TMEM204: variants seen among roughly 807,000 people sequenced by gnomAD.
TMEM204 encodes the protein transmembrane protein 204, also known as claudin-like protein 24.
Under a neutral mutation model 19.4 loss-of-function variants are expected in TMEM204, and 15 were observed. The ratio of observed to expected loss-of-function variants is 0.77; its 90% CI spans 0.52 to 1.19. The LOEUF (loss-of-function observed/expected upper bound fraction) is 1.19, where lower values mean the gene tolerates loss of function less well. Ranked by LOEUF, TMEM204 falls within the 50% of genes most tolerant of loss-of-function variation. The pLI is 0.00. For synonymous variants in TMEM204, 161 were observed against 146.0 expected (o/e 1.10, Z -0.74); for missense variants, 287 against 321.2 (o/e 0.89, Z 0.81).
intron 2 of TMEM204, among the ~76,000 whole-genome samples, chr16:1,543,690 G>A (rs531650483): frequency 2.0e-5 from 3 of 152,334 alleles, no homozygotes; most frequent in South Asian, 2.1e-4. Flanking sequence ...GACTGACTCC[G>A]CCTCCTCCCC....
Position 1,534,464 on chromosome 16 carries a change from C to T in TMEM204, c.189C>T (p.Ala63=), listed in dbSNP as rs2030847902. Reference sequence around the variant, plus strand: ...CCCGGGGAGGGCCGAGCCCTGGGGCCAGAGCCGGCCAGGTGGACGCACATG... The same window carrying T: ...CCCGGGGAGGGCCGAGCCCTGGGGCTAGAGCCGGCCAGGTGGACGCACATG... ...DRTRGGPSPG[A]RAGQVDAHDC... is the part of the protein sequence containing the mutation. Residue 63 remains alanine, a synonymous_variant, in exon 1 of 3, where the codon GCC becomes GCT. Coordinates refer to ENST00000566264, the MANE Select transcript of TMEM204 (RefSeq NM_024600.6). 6.2e-7 allele frequency: 1 copy of T among 1,611,152 alleles called. No individual in the cohort carries two copies. Among genetic ancestry groups the T allele is most frequent in the Non-Finnish European group, 8.5e-7 (1 of 1,179,832 alleles).
chr16:1,552,829 A>G, intron 2 of TMEM204: 1 of 295,462 alleles, frequency 3.4e-6, no homozygotes, highest in Non-Finnish European at 4.9e-6. Context: ...TTTTTTTTGT[A>G]TTTTTAGTAG....
rs2032834775 is a variant in TMEM204 at position 1,553,357 on chromosome 16, G to A, written c.437-1425G>A. On this transcript the variant is annotated intron_variant, in intron 2 of 2. Transcript: ENST00000566264. This position sits in a 1 kb window ranked among gnomAD's most constrained non-coding sequence, Gnocchi z 4.4. ...GTCTCTTTTTCTCCCATCCTCTCTC[G>A]ATGCTGGGGCCACACAGGGCAGGGC... 12 of 985,234 alleles carry A rather than the reference G, an allele frequency of 1.2e-5. No individual in the cohort carries two copies. Among genetic ancestry groups the A allele is most frequent in the Non-Finnish European group, 1.4e-5 (12 of 829,910 alleles). The allele number at this position is 985,234 out of a possible 1,614,324, so 61.0% of individuals were successfully genotyped here.
chr16:1,546,273 G>C (rs2032163306), intron 2 of TMEM204, among the ~76,000 whole-genome samples: 1 of 152,228 alleles, frequency 6.6e-6, no homozygotes, highest in East Asian at 1.9e-4. Context: ...TCTGCAGGCA[G>C]CCTAGGCCGG....
chr16:1,551,068 G>A lies in TMEM204; in HGVS notation c.437-3714G>A, dbSNP rs2032595367. Among the ~76,000 whole-genome samples the A allele has an allele frequency of 6.6e-6, 1 of 152,276 alleles. No homozygotes were observed. The highest frequency in any genetic ancestry group is 6.5e-5 in the Admixed American group (1 of 15,296). ...TGGTCACTCAACTGCCAAGGCTGCT[G>A]TTCCTCCTCGCCTTTCCCGCAGCTC... On this transcript the variant is annotated intron_variant, in intron 2 of 2. Coordinates refer to ENST00000566264, the MANE Select transcript of TMEM204 (RefSeq NM_024600.6). This position sits in a 1 kb window ranked among gnomAD's most constrained non-coding sequence, Gnocchi z 4.0.
At chr16:1,545,535 T>A (rs979813584) in intron 2 of TMEM204, among the ~76,000 whole-genome samples, 1 of 152,204 alleles carries the variant, frequency 6.6e-6, no homozygotes, top group Non-Finnish European at 1.5e-5. Context: ...TGTACTCGCG[T>A]CTGTTTTAAA....
intron 1 of TMEM204, among the ~76,000 whole-genome samples, chr16:1,539,501 C>CA (rs1596327316): frequency 6.6e-6 from 1 of 152,276 alleles, no homozygotes; most frequent in African/African-American, 2.4e-5. Flanking sequence ...GCCAGGTCCT[C>CA]ACCTGCTGCC....
rs1389779665 is a variant in TMEM204 at position 1,555,195 on chromosome 16, G to A, written c.*169G>A. ...ACACGTGTGCGTTTACTGTTATGTC[G>A]GTCATATGTCTGTACGTGTCGTGGG... On this transcript the variant is annotated 3_prime_UTR_variant, in exon 3 of 3. Transcript: ENST00000566264. 1.5e-5 allele frequency: 13 copies of A among 845,900 alleles called. No individual in the cohort carries two copies. Among genetic ancestry groups the A allele is most frequent in the African/African-American group, 3.4e-5 (2 of 58,136 alleles). The allele number at this position is 845,900 out of a possible 1,614,324, so 52.4% of individuals were successfully genotyped here.
At chr16:1,536,046 C>T (rs986936818) in intron 1 of TMEM204, among the ~76,000 whole-genome samples, 4 of 152,216 alleles carry the variant, frequency 2.6e-5, no homozygotes, top group African/African-American at 4.8e-5. Context: ...TGGGGCCGGG[C>T]GCTCATGTGC....
Position 1,534,457 on chromosome 16 carries a change from C to G in TMEM204, c.182C>G (p.Pro61Arg), listed in dbSNP as rs748436089. Residue 61 changes from proline (P) to arginine (R), a missense_variant, in exon 1 of 3, where the codon CCT (proline) becomes CGT (arginine). By Grantham distance (103) the Pro-to-Arg change is moderately radical (BLOSUM62 -2). Transcript: ENST00000566264. The stretch of plus-strand genomic sequence containing the variant: ...GACAGGACCCGGGGAGGGCCGAGCC[C>G]TGGGGCCAGAGCCGGCCAGGTGGAC... ...LVDRTRGGPS[P>R]GARAGQVDAH... 6.2e-7 allele frequency: 1 copy of G among 1,611,454 alleles called. No individual in the cohort carries two copies. The highest frequency in any genetic ancestry group is 8.5e-7 in the Non-Finnish European group (1 of 1,179,768).
chr16:1,534,487 A>T lies in TMEM204; in HGVS notation c.212A>T (p.His71Leu). The T allele has an allele frequency of 6.2e-7, 1 of 1,610,322 alleles. No individual in the cohort carries two copies. The highest frequency in any genetic ancestry group is 8.5e-7 in the Non-Finnish European group (1 of 1,179,862). ...PGARAGQVDAHDCEALGWGSE... is the reference protein window; with the variant it reads ...PGARAGQVDALDCEALGWGSE... ...GCCAGAGCCGGCCAGGTGGACGCAC[A>T]TGACTGTGAGGCGCTGGGCTGGGGC... The change falls in exon 1 of 3, where the codon CAT (histidine) becomes CTT (leucine). Residue 71 changes from histidine (H) to leucine (L), a missense_variant. By Grantham distance (99) the His-to-Leu change is moderately conservative (BLOSUM62 -3). Transcript: ENST00000566264.
intron 2 of TMEM204, among the ~76,000 whole-genome samples, chr16:1,552,201 A>G (rs977625583): frequency 6.6e-6 from 1 of 152,192 alleles, no homozygotes; most frequent in African/African-American, 2.4e-5. Flanking sequence ...GGCTGTGGCC[A>G]TGGCGGGCTG....
At chr16:1,554,654 C>G in intron 2 of TMEM204, 128 bp from the exon 3 acceptor site, 1 of 1,379,920 alleles carries the variant, frequency 7.2e-7, no homozygotes, top group Non-Finnish European at 9.8e-7. Context: ...AGGCTGGAAC[C>G]CGCTCTAGGA....
chr16:1,553,075 G>C lies in TMEM204; in HGVS notation c.437-1707G>C, dbSNP rs2032801798. 3 of 985,326 alleles carry C rather than the reference G, an allele frequency of 3.0e-6. No individual in the cohort carries two copies. Among genetic ancestry groups the C allele is most frequent in the Non-Finnish European group, 3.6e-6 (3 of 829,942 alleles). 61.0% of individuals were successfully genotyped at this position (985,326 alleles called of 1,614,324 possible). A position where few individuals can be genotyped will look rare whatever the true frequency, so the allele number is the denominator to read the frequency against. ...CTGTCATTGTTCAGGACAAAATGGAGATAGATAAATGCTTAATTCATACTT... is the reference window on the plus strand; with the variant it reads ...CTGTCATTGTTCAGGACAAAATGGACATAGATAAATGCTTAATTCATACTT... On this transcript the variant is annotated intron_variant, in intron 2 of 2. Coordinates refer to ENST00000566264, the MANE Select transcript of TMEM204 (RefSeq NM_024600.6). This position sits in a 1 kb window ranked among gnomAD's most constrained non-coding sequence, Gnocchi z 4.4.
At chr16:1,538,965 C>T (rs962571709) in intron 1 of TMEM204, among the ~76,000 whole-genome samples, 5 of 152,218 alleles carry the variant, frequency 3.3e-5, no homozygotes, top group African/African-American at 1.2e-4. Context: ...AGGGCAAAAG[C>T]GCCCCCTACC....
chr16:1,541,177 G>T, intron 1 of TMEM204: 4 of 985,474 alleles, frequency 4.1e-6, no homozygotes, highest in Non-Finnish European at 4.8e-6. Context: ...GTGGGGGACA[G>T]AGAAGGCTGG....
At chr16:1,543,278 A>G (rs1246422892) in intron 2 of TMEM204, among the ~76,000 whole-genome samples, 1 of 152,236 alleles carries the variant, frequency 6.6e-6, no homozygotes, top group Non-Finnish European at 1.5e-5. Flanking sequence ...TCCAGAGTGA[A>G]TCATTCTAGG....
chr16:1,543,553 C>T (rs1315730577), intron 2 of TMEM204, among the ~76,000 whole-genome samples: 1 of 152,234 alleles, frequency 6.6e-6, no homozygotes, highest in Non-Finnish European at 1.5e-5. Context: ...GCTCCATCAC[C>T]ATCGACGTGG....
chr16:1,530,785 T>C (rs928469236), upstream of TMEM204: 1 of 150,600 alleles, frequency 6.6e-6, no homozygotes, highest in African/African-American at 2.5e-5. Context: ...GGGGCCCATG[T>C]GTGACCGAGG....
Sources: gnomAD v4.1 joint callset for allele counts (sites outside exome capture counted in the v4.1 genomes callset) on GRCh38, gnomAD v4.1.1 for gene constraint, Gnocchi (gnomAD v3.1) non-coding constraint, MANE v1.5 for transcripts, NCBI Gene and HGNC (gene_info 2026-07-23, HGNC 2026-07-21) for gene names.